DERA: variants seen among roughly 807,000 people sequenced by gnomAD.
DERA encodes the protein 2-deoxy-D-ribose 5-phosphate aldolase.
DERA carries 15 observed loss-of-function variants against 41.1 expected under a neutral mutation model. The ratio of observed to expected loss-of-function variants is 0.37; its 90% CI spans 0.24 to 0.56. The LOEUF is 0.56. Ranked by LOEUF, DERA falls within the 20% of genes least tolerant of loss-of-function variation. DERA has a pLI of 0.81. For missense variants in DERA, 396 were observed against 403.4 expected, an observed-to-expected ratio of 0.98 and a Z score of 0.16; for synonymous variants, 139 against 137.4, an observed-to-expected ratio of 1.01 and a Z score of -0.08.
At chr12:15,960,207 T>TATAC (rs1555152729) in intron 4 of DERA, among the ~76,000 whole-genome samples, 2 of 145,534 alleles carry the variant, frequency 1.4e-5, no homozygotes, top group African/African-American at 2.5e-5. Flanking sequence ...TATATATATA[T>TATAC]ACACACACAC....
Position 16,036,587 on chromosome 12 carries a change from G to T in DERA, c.901-103G>T. The T allele has an allele frequency of 9.4e-7, 1 of 1,060,366 alleles. No homozygotes were observed. Among genetic ancestry groups the T allele is most frequent in the Admixed American group, 2.5e-5 (1 of 40,520 alleles). The allele number at this position is 1,060,366 out of a possible 1,614,324, so 65.7% of individuals were successfully genotyped here. A position where few individuals can be genotyped will look rare whatever the true frequency, so the allele number is the denominator to read the frequency against. On this transcript the variant is annotated intron_variant, in intron 8 of 8. Transcript: ENST00000428559. This position sits in a 1 kb window ranked among gnomAD's most constrained non-coding sequence, Gnocchi z 4.9. Reference sequence around the variant, plus strand: ...GCACATACTAGTGAGGCTTTCTAATGAAATGTTCATTAAAACTATTTATTA... The same window carrying T: ...GCACATACTAGTGAGGCTTTCTAATTAAATGTTCATTAAAACTATTTATTA...
chr12:15,969,444 GT>G (rs1366470693), intron 5 of DERA, among the ~76,000 whole-genome samples: 32 of 152,312 alleles, frequency 2.1e-4, no homozygotes, highest in South Asian at 1.4e-3. Context: ...AGCAGACGTA[GT>G]TCCAAAGGTG....
At chr12:15,950,111 G>T (rs769635714) in intron 1 of DERA, among the ~76,000 whole-genome samples, 68 of 152,282 alleles carry the variant, frequency 4.5e-4, no homozygotes, top group Non-Finnish European at 9.3e-4. Context: ...CCAAGAGAGG[G>T]TTCTTGGATC....
intron 1 of DERA, among the ~76,000 whole-genome samples, chr12:15,947,101 T>C (rs1948456280): frequency 6.6e-6 from 1 of 152,228 alleles, no homozygotes; most frequent in African/African-American, 2.4e-5. Context: ...CAGTTTGTTA[T>C]AATTTCTGGA....
chr12:15,936,672 A>G lies in DERA; in HGVS notation c.32-20264A>G, dbSNP rs1259802911. Among the ~76,000 whole-genome samples, 4 of 152,230 alleles carry G rather than the reference A, an allele frequency of 2.6e-5. No individual in the cohort carries two copies. The highest frequency in any genetic ancestry group is 1.5e-5 in the Non-Finnish European group (1 of 68,038). Reference sequence around the variant, plus strand: ...ATTTTATAGCTGGTTAATCCAAGCCATGATACAAATGAAGACTATGTATTT... The same window carrying G: ...ATTTTATAGCTGGTTAATCCAAGCCGTGATACAAATGAAGACTATGTATTT... On this transcript the variant is annotated intron_variant, in intron 1 of 8. Coordinates refer to ENST00000428559, the MANE Select transcript of DERA (RefSeq NM_015954.4). This position sits in a 1 kb window ranked among gnomAD's most constrained non-coding sequence, Gnocchi z 4.6.
At chr12:15,916,777 T>TA (rs1555147775) in intron 1 of DERA, among the ~76,000 whole-genome samples, 1 of 152,116 alleles carries the variant, frequency 6.6e-6, no homozygotes, top group Non-Finnish European at 1.5e-5. Context: ...TGTATTCTTT[T>TA]AAAAAATGTT....
At position 15,957,954 on chromosome 12, in the gene DERA, GA is replaced by G. The variant is rs886904452; in HGVS notation, c.130-226del. On this transcript the variant is annotated intron_variant, in intron 2 of 8. Coordinates refer to ENST00000428559, the MANE Select transcript of DERA (RefSeq NM_015954.4). This position sits in a 1 kb window ranked among gnomAD's most constrained non-coding sequence, Gnocchi z 4.8. ...GTTTCAATTTGGGATATCTGTGGGA[GA>G]AAAAAAATGTTTAAGCCTACTCTTC... is the stretch of plus-strand genomic sequence containing the variant. 5.3e-5 allele frequency among the ~76,000 whole-genome samples: 8 copies of G among 151,918 alleles called. No individual in the cohort carries two copies. Among genetic ancestry groups the G allele is most frequent in the Middle Eastern group, 3.4e-3 (1 of 294 alleles).
intron 1 of DERA, among the ~76,000 whole-genome samples, chr12:15,946,152 G>A (rs1186541019): frequency 1.3e-5 from 2 of 152,116 alleles, no homozygotes; most frequent in African/African-American, 4.8e-5. Flanking sequence ...GAGGATTTTT[G>A]CATCGATGTT....
chr12:15,960,004 T>G, intron 4 of DERA, 80 bp downstream of exon 4: 1 of 1,017,350 alleles, frequency 9.8e-7, no homozygotes, highest in Admixed American at 2.4e-5. Flanking sequence ...ATATGTAGGT[T>G]TGTACTATGA....
rs558994178 is a variant in DERA, at chr12:15,966,675, G to T, written c.508+3728G>T. Among the ~76,000 whole-genome samples the T allele has an allele frequency of 6.6e-6, 1 of 152,006 alleles. No homozygotes were observed. Among genetic ancestry groups the T allele is most frequent in the Admixed American group, 6.5e-5 (1 of 15,290 alleles). The stretch of plus-strand genomic sequence containing the variant: ...GTGGCTTTGGTGCCTACATTCCTGA[G>T]GTCTTCCTTTCTGTTTCTGATTACC... On this transcript the variant is annotated intron_variant, in intron 5 of 8. Coordinates refer to ENST00000428559, the MANE Select transcript of DERA (RefSeq NM_015954.4). This position sits in a 1 kb window ranked among gnomAD's most constrained non-coding sequence, Gnocchi z 5.1.
Position 15,954,360 on chromosome 12 carries a change from T to A in DERA, c.32-2576T>A, listed in dbSNP as rs1427669192. On this transcript the variant is annotated intron_variant, in intron 1 of 8. Coordinates refer to ENST00000428559, the MANE Select transcript of DERA (RefSeq NM_015954.4). The surrounding 1 kb of genome is among the most constrained non-coding windows in gnomAD (Gnocchi z 4.0). Reference sequence around the variant, plus strand: ...TAAACATTTGGACACATCAGTGGCATTCTGAGTGAAGGGGATGTACTAAAG... The same window carrying A: ...TAAACATTTGGACACATCAGTGGCAATCTGAGTGAAGGGGATGTACTAAAG... Among the ~76,000 whole-genome samples, 1 of 152,154 alleles carries A rather than the reference T, an allele frequency of 6.6e-6. No individual in the cohort carries two copies. The highest frequency in any genetic ancestry group is 1.5e-5 in the Non-Finnish European group (1 of 68,030).
In DERA at chr12:15,966,596, A is replaced by G. The variant is rs778825628; in HGVS notation, c.508+3649A>G. Among the ~76,000 whole-genome samples, 1 of 152,104 alleles carries G rather than the reference A, an allele frequency of 6.6e-6. No homozygotes were observed. Among genetic ancestry groups the G allele is most frequent in the Non-Finnish European group, 1.5e-5 (1 of 68,022 alleles). Reference sequence around the variant, plus strand: ...CCCCAGTTGTTTATTCAGCATTACCATGCAACATATGACACAGCAGACTGT... The same window carrying G: ...CCCCAGTTGTTTATTCAGCATTACCGTGCAACATATGACACAGCAGACTGT... On this transcript the variant is annotated intron_variant, in intron 5 of 8. Transcript: ENST00000428559. This position sits in a 1 kb window ranked among gnomAD's most constrained non-coding sequence, Gnocchi z 5.1.
intron 5 of DERA, among the ~76,000 whole-genome samples, chr12:15,971,508 C>CTTTTTTT (rs56142412): frequency 2.1e-5 from 2 of 97,062 alleles, no homozygotes; most frequent in African/African-American, 4.3e-5. Context: ...TATCTCAACT[C>CTTTTTTT]TTTTTTTTTT....
intron 5 of DERA, among the ~76,000 whole-genome samples, chr12:15,980,798 G>T (rs563489734): frequency 6.6e-6 from 1 of 152,110 alleles, no homozygotes; most frequent in Non-Finnish European, 1.5e-5. Context: ...GAGCATCTTG[G>T]AATAGAATAT....
At chr12:16,033,581 TTGTGTGTGTGTGTGTGTGTGTG>T (rs146182174) in intron 7 of DERA, among the ~76,000 whole-genome samples, 1 of 127,662 alleles carries the variant, frequency 7.8e-6, no homozygotes, top group East Asian at 2.2e-4. Flanking sequence ...GAGAGCAAGG[TTGTGTGTGTGTGTGTGTGTGTG>T]TGTGTGTGTG....
At position 15,943,916 on chromosome 12, in the gene DERA, C is replaced by T. The variant is rs1311499113; in HGVS notation, c.32-13020C>T. Among the ~76,000 whole-genome samples the T allele has an allele frequency of 7.9e-6, 1 of 126,358 alleles. No individual in the cohort carries two copies. Among genetic ancestry groups the T allele is most frequent in the Non-Finnish European group, 1.6e-5 (1 of 62,670 alleles). 82.9% of individuals were successfully genotyped at this position (126,358 alleles called of 152,430 possible). On this transcript the variant is annotated intron_variant, in intron 1 of 8. Transcript: ENST00000428559. This position sits in a 1 kb window ranked among gnomAD's most constrained non-coding sequence, Gnocchi z 4.5. ...ACGACAGACCCTGGTGTGTGATGTT[C>T]CCCTTCCTGTGTCCAAGTGTTCTCA...
rs572136986 is a variant in DERA, at chr12:15,938,656, T to C, written c.32-18280T>C. On this transcript the variant is annotated intron_variant, in intron 1 of 8. Transcript: ENST00000428559. The surrounding 1 kb of genome is among the most constrained non-coding windows in gnomAD (Gnocchi z 4.1). ...TACTTGGTAAATTTAGCACATTCTA[T>C]AAATGGAGGATATTTTCAATTCACA... Among the ~76,000 whole-genome samples the C allele has an allele frequency of 5.3e-4, 81 of 152,360 alleles. No individual in the cohort carries two copies. The highest frequency in any genetic ancestry group is 1.4e-3 in the African/African-American group (58 of 41,590).
rs1007741012 is a variant in DERA at position 16,017,050 on chromosome 12, C to A, written c.638-15492C>A. Among the ~76,000 whole-genome samples the A allele has an allele frequency of 9.7e-4, 147 of 152,146 alleles. 10 individuals carry two copies. Among genetic ancestry groups the A allele is most frequent in the Non-Finnish European group, 7.4e-5 (5 of 68,026 alleles). On this transcript the variant is annotated intron_variant, in intron 6 of 8. Coordinates refer to ENST00000428559, the MANE Select transcript of DERA (RefSeq NM_015954.4). The surrounding 1 kb of genome is among the most constrained non-coding windows in gnomAD (Gnocchi z 5.5). ...TTGCATAATTATGCAGAATCTTCTC[C>A]TAGTCAGTAACCAAGGATTATACAG...
chr12:15,924,420 A>C lies in DERA; in HGVS notation c.31+13006A>C, dbSNP rs1948267482. On this transcript the variant is annotated intron_variant, in intron 1 of 8. Transcript: ENST00000428559. This position sits in a 1 kb window ranked among gnomAD's most constrained non-coding sequence, Gnocchi z 5.0. ...CTAAAATTAAAATGTATATATATAA[A>C]AGTTAAATAATTGAACTCAGTAAAT... is the stretch of plus-strand genomic sequence containing the variant. Among the ~76,000 whole-genome samples, 1 of 152,220 alleles carries C rather than the reference A, an allele frequency of 6.6e-6. No homozygotes were observed. The highest frequency in any genetic ancestry group is 1.5e-5 in the Non-Finnish European group (1 of 68,040).
Sources: gnomAD v4.1 joint callset for allele counts (sites outside exome capture counted in the v4.1 genomes callset) on GRCh38, gnomAD v4.1.1 for gene constraint, Gnocchi (gnomAD v3.1) non-coding constraint, MANE v1.5 for transcripts, NCBI Gene and HGNC (gene_info 2026-07-23, HGNC 2026-07-21) for gene names.